Variants in KHDRBS2 observed in about 807,000 individuals in gnomAD.
KHDRBS2 encodes the protein KH domain-containing, RNA-binding, signal transduction-associated protein 2.
A neutral mutation model predicts 44.3 loss-of-function variants in KHDRBS2; 26 were observed. The observed-to-expected ratio is 0.59, with a 90% confidence interval of 0.43 to 0.81. The LOEUF (loss-of-function observed/expected upper bound fraction) is 0.81. KHDRBS2 is among the 40% of genes least tolerant of loss of function. The probability of loss-of-function intolerance (pLI) is 0.00; values close to 1 mark genes in which losing one functional copy is unlikely to be tolerated. For missense variants in KHDRBS2, 476 were observed against 433.1 expected (o/e 1.10, Z -0.88); for synonymous variants, 194 against 151.1 (o/e 1.28, Z -2.08).
At chr6:61,993,664 TATATATATA>T (rs1382302933) in intron 3 of KHDRBS2, among the ~76,000 whole-genome samples, 4 of 123,324 alleles carry the variant, frequency 3.2e-5, no homozygotes, top group Admixed American at 8.8e-5. Context: ...TATATATATA[TATATATATA>T]TTTTTTTTTT....
intron 1 of KHDRBS2, among the ~76,000 whole-genome samples, chr6:62,202,060 A>G (rs1336588082): frequency 6.6e-6 from 1 of 152,258 alleles, no homozygotes; most frequent in African/African-American, 2.4e-5. Flanking sequence ...CAAGCATATA[A>G]TACGTGAAAA....
chr6:61,607,591 AT>A, the KHDRBS2 span, among the ~76,000 whole-genome samples: 5 of 149,228 alleles, frequency 3.4e-5, no homozygotes, highest in African/African-American at 1.2e-4. Flanking sequence ...GATTAAAAAA[AT>A]CTAGACAAAA....
intron 2 of KHDRBS2, among the ~76,000 whole-genome samples, chr6:62,129,139 C>G (rs1029654522): frequency 6.6e-6 from 1 of 152,028 alleles, no homozygotes; most frequent in Non-Finnish European, 1.5e-5. Context: ...GATAAAATAA[C>G]AACTACTTTT....
chr6:61,709,164 T>G (rs1210203682), intron 7 of KHDRBS2, among the ~76,000 whole-genome samples: 4 of 151,656 alleles, frequency 2.6e-5, no homozygotes, highest in Non-Finnish European at 5.9e-5. Flanking sequence ...GAAGCAAAGC[T>G]TCTCTTTTTC....
At chr6:61,975,861 G>C (rs1402972154) in intron 4 of KHDRBS2, among the ~76,000 whole-genome samples, 1 of 152,140 alleles carries the variant, frequency 6.6e-6, no homozygotes, top group Non-Finnish European at 1.5e-5. Context: ...TTGTGTGGTT[G>C]GGGAAGAGTT....
At chr6:61,612,929 G>T in the KHDRBS2 span, among the ~76,000 whole-genome samples, 73 of 138,264 alleles carry the variant, frequency 5.3e-4, no homozygotes, top group African/African-American at 1.6e-3. Flanking sequence ...CTCGGCTGAC[G>T]GCAAGCTCCG....
At chr6:61,577,150 T>A in the KHDRBS2 span, among the ~76,000 whole-genome samples, 247 of 152,250 alleles carry the variant, frequency 1.6e-3, 1 homozygote, top group African/African-American at 2.0e-3. Context: ...TTGTTTTTTT[T>A]TTTTAACCAT....
chr6:62,266,369 A>G (rs1399400140), intron 1 of KHDRBS2, among the ~76,000 whole-genome samples: 1 of 151,956 alleles, frequency 6.6e-6, no homozygotes, highest in African/African-American at 2.4e-5. Flanking sequence ...CAAGCATGAC[A>G]TATCAGCGAA....
intron 2 of KHDRBS2, among the ~76,000 whole-genome samples, chr6:62,152,552 C>A (rs751454261): frequency 1.4e-4 from 22 of 152,128 alleles, no homozygotes; most frequent in Non-Finnish European, 2.1e-4. Flanking sequence ...ACAAAAAATT[C>A]TTCTTAGTGT....
At chr6:62,012,830 T>C (rs1041074743) in intron 3 of KHDRBS2, among the ~76,000 whole-genome samples, 3 of 152,194 alleles carry the variant, frequency 2.0e-5, no homozygotes, top group African/African-American at 7.2e-5. Flanking sequence ...ATAGCACTAC[T>C]CACAACCTGA....
chr6:61,846,485 A>G (rs1319436818), intron 6 of KHDRBS2, among the ~76,000 whole-genome samples: 1 of 152,178 alleles, frequency 6.6e-6, no homozygotes, highest in Non-Finnish European at 1.5e-5. Context: ...ATATGTTGAG[A>G]ATAAGCTCAG....
At chr6:61,823,111 T>G (rs905071401) in intron 6 of KHDRBS2, among the ~76,000 whole-genome samples, 2 of 152,018 alleles carry the variant, frequency 1.3e-5, no homozygotes, top group Non-Finnish European at 2.9e-5. Context: ...TGGGTTTTAC[T>G]GAGTTAAAGT....
At chr6:61,883,799 G>A (rs1414289019) in intron 6 of KHDRBS2, among the ~76,000 whole-genome samples, 3 of 151,934 alleles carry the variant, frequency 2.0e-5, no homozygotes, top group Non-Finnish European at 4.4e-5. Flanking sequence ...TACATTTCAA[G>A]AAACAAAACT....
At chr6:61,851,978 T>C (rs1044605620) in intron 6 of KHDRBS2, among the ~76,000 whole-genome samples, 2 of 152,158 alleles carry the variant, frequency 1.3e-5, no homozygotes, top group Non-Finnish European at 2.9e-5. Flanking sequence ...TCCCAGCACT[T>C]TGGGAGGCCG....
At chr6:61,567,521 G>T in the KHDRBS2 span, among the ~76,000 whole-genome samples, 1 of 152,090 alleles carries the variant, frequency 6.6e-6, no homozygotes, top group Non-Finnish European at 1.5e-5. Context: ...TGCACCTGTG[G>T]TCTTAGCTAC....
intron 2 of KHDRBS2, among the ~76,000 whole-genome samples, chr6:62,114,932 T>C (rs1034302176): frequency 1.2e-4 from 19 of 152,294 alleles, no homozygotes; most frequent in Admixed American, 1.0e-3. Flanking sequence ...AAACATGGTA[T>C]TTAATATTTA....
At chr6:61,752,182 C>A (rs1381731467) in intron 6 of KHDRBS2, among the ~76,000 whole-genome samples, 1 of 152,138 alleles carries the variant, frequency 6.6e-6, no homozygotes, top group Non-Finnish European at 1.5e-5. Flanking sequence ...GGTGGAAAGG[C>A]ACTGAGAATC....
intron 2 of KHDRBS2, among the ~76,000 whole-genome samples, chr6:62,093,892 G>GTGTA (rs771470823): frequency 3.2e-5 from 4 of 126,294 alleles, no homozygotes; most frequent in African/African-American, 1.2e-4. Context: ...GTGTGTGTGT[G>GTGTA]TATATCACAT....
At chr6:62,048,110 T>C in intron 2 of KHDRBS2, 116 bp from the exon 3 acceptor site, 1 of 596,682 alleles carries the variant, frequency 1.7e-6, no homozygotes, top group Non-Finnish European at 3.0e-6. Context: ...AAGAGAGTCA[T>C]GCCATAAACA....
Sources: gnomAD v4.1 joint callset for allele counts (sites outside exome capture counted in the v4.1 genomes callset) on GRCh38, gnomAD v4.1.1 for gene constraint, MANE v1.5 for transcripts, NCBI Gene and HGNC (gene_info 2026-07-23, HGNC 2026-07-21) for gene names.